APPBP2: variants seen among roughly 807,000 people sequenced by gnomAD.
APPBP2 encodes the protein amyloid protein-binding protein 2.
A neutral mutation model predicts 76.0 loss-of-function variants in APPBP2; 15 were observed. That is an observed-to-expected ratio of 0.20 (90% CI 0.13 to 0.30). The LOEUF (loss-of-function observed/expected upper bound fraction) is 0.30. APPBP2 is among the 10% of genes least tolerant of loss of function. The pLI, the probability that APPBP2 is intolerant of heterozygous loss-of-function variation, is 1.00. For synonymous variants in APPBP2, 222 were observed against 242.2 expected (o/e 0.92, Z 0.77); for missense variants, 401 against 687.2 (o/e 0.58, Z 4.66).
chr17:60,484,236 TTAGAG>T (rs1316178609), intron 3 of APPBP2, among the ~76,000 whole-genome samples: 2 of 152,186 alleles, frequency 1.3e-5, no homozygotes, highest in South Asian at 2.1e-4. Flanking sequence ...CATATGAACT[TTAGAG>T]TAGTTTTTTC....
intron 1 of APPBP2, among the ~76,000 whole-genome samples, chr17:60,517,378 T>C (rs1460632996): frequency 6.6e-6 from 1 of 152,242 alleles, no homozygotes; most frequent in Non-Finnish European, 1.5e-5. Context: ...GGCTTGACTC[T>C]TCACTTGCTT....
intron 1 of APPBP2, among the ~76,000 whole-genome samples, chr17:60,503,511 G>C (rs1057065803): frequency 2.1e-5 from 3 of 144,678 alleles, no homozygotes; most frequent in Non-Finnish European, 4.4e-5. Flanking sequence ...TCAGCCTCTG[G>C]AGTAGCTGGG....
In APPBP2 at chr17:60,504,208, T is replaced by C. The variant is rs552535249; in HGVS notation, c.139-3721A>G. On this transcript the variant is annotated intron_variant, in intron 1 of 12. Transcript: ENST00000083182. ...AAGGGCTATATCAACCACTTTCAGC[T>C]GTTCCTACCTTAAACAAAAGGGAAA... Among the ~76,000 whole-genome samples the C allele has an allele frequency of 2.3e-4, 35 of 152,306 alleles. No homozygotes were observed. The South Asian group carries it at 7.2e-3, about 32-fold the overall frequency.
chr17:60,475,010 A>T (rs996105907), intron 4 of APPBP2, among the ~76,000 whole-genome samples: 3 of 152,148 alleles, frequency 2.0e-5, no homozygotes, highest in South Asian at 4.2e-4. Context: ...CAGGCAGATC[A>T]CGAGGTCAGG....
chr17:60,494,702 T>G, intron 2 of APPBP2, 85 bp from the exon 3 acceptor site: 1 of 1,179,720 alleles, frequency 8.5e-7, no homozygotes, highest in Non-Finnish European at 1.2e-6. Context: ...TTTTAAATAA[T>G]AGCACCATTA....
In APPBP2 at chr17:60,443,856, CTTCT is replaced by C. The variant is rs2090322948; in HGVS notation, c.*3721_*3724del. 6.6e-6 allele frequency: 1 copy of C among 152,570 alleles called. No homozygotes were observed. Among genetic ancestry groups the C allele is most frequent in the African/African-American group, 2.4e-5 (1 of 41,432 alleles). 9.5% of individuals were successfully genotyped at this position (152,570 alleles called of 1,614,324 possible). A position where few individuals can be genotyped will look rare whatever the true frequency, so the allele number is the denominator to read the frequency against. On this transcript the variant is annotated 3_prime_UTR_variant, in exon 13 of 13. Transcript: ENST00000083182. ...ATGCAATAAATCCTAAAGCACACTCCTTCTGATTATCAACAGGGTAAAACCAGTT... is the reference window on the plus strand; with the variant it reads ...ATGCAATAAATCCTAAAGCACACTCCGATTATCAACAGGGTAAAACCAGTT...
At chr17:60,452,401 GTTAAC>G (rs2090401663) in intron 11 of APPBP2, among the ~76,000 whole-genome samples, 1 of 152,192 alleles carries the variant, frequency 6.6e-6, no homozygotes, top group East Asian at 1.9e-4. Flanking sequence ...ACTTCCTTTG[GTTAAC>G]ACAGTTAACA....
Position 60,444,819 on chromosome 17 carries a change from G to A in APPBP2, c.*2762C>T, listed in dbSNP as rs954718352. ...GGAGTAGCACCGAACTTTAGGAAAA[G>A]ACTGGGTAGAAGAGTCAGAGAAGGA... On this transcript the variant is annotated 3_prime_UTR_variant, in exon 13 of 13. Coordinates refer to ENST00000083182, the MANE Select transcript of APPBP2 (RefSeq NM_006380.5). 6.6e-6 allele frequency: 1 copy of A among 152,546 alleles called. No homozygotes were observed. The highest frequency in any genetic ancestry group is 6.6e-5 in the Admixed American group (1 of 15,260). The allele number at this position is 152,546 out of a possible 1,614,324, so 9.4% of individuals were successfully genotyped here.
chr17:60,498,088 C>A (rs2090790996), intron 2 of APPBP2, among the ~76,000 whole-genome samples: 1 of 151,610 alleles, frequency 6.6e-6, no homozygotes, highest in Admixed American at 6.6e-5. Context: ...GATCTTGCCA[C>A]TGCACTCCAG....
intron 3 of APPBP2, among the ~76,000 whole-genome samples, chr17:60,483,416 T>C (rs965386733): frequency 7.9e-5 from 12 of 152,080 alleles, no homozygotes; most frequent in Admixed American, 5.2e-4. Flanking sequence ...TTTTTTGAGA[T>C]GGAGACTTGC....
Position 60,443,450 on chromosome 17 carries a change from C to T in APPBP2, c.*4131G>A, listed in dbSNP as rs987867527. On this transcript the variant is annotated 3_prime_UTR_variant, in exon 13 of 13. Transcript: ENST00000083182. ...TTGTTTTTAACTGTTCCATTAAGAA[C>T]TTTTTATTTTGAGCCTATTAAACTA... is the stretch of plus-strand genomic sequence containing the variant. 1.3e-5 allele frequency: 2 copies of T among 152,578 alleles called. No homozygotes were observed. Among genetic ancestry groups the T allele is most frequent in the Admixed American group, 1.3e-4 (2 of 15,276 alleles). 9.5% of individuals were successfully genotyped at this position (152,578 alleles called of 1,614,324 possible).
At chr17:60,494,671 A>G in intron 2 of APPBP2, 54 bp from the exon 3 acceptor site, 2 of 1,446,790 alleles carry the variant, frequency 1.4e-6, no homozygotes, top group Non-Finnish European at 1.8e-6. Flanking sequence ...TTCTCCTTTT[A>G]GAAAGTGCTA....
At chr17:60,487,038 T>C (rs908915143) in intron 3 of APPBP2, among the ~76,000 whole-genome samples, 1 of 152,232 alleles carries the variant, frequency 6.6e-6, no homozygotes, top group Non-Finnish European at 1.5e-5. Context: ...CTCTTCTGGC[T>C]TGTAGAGTTT....
chr17:60,494,586 T>G lies in APPBP2; in HGVS notation c.259A>C (p.Met87Leu). 1 of 1,600,738 alleles carries G rather than the reference T, an allele frequency of 6.2e-7. No individual in the cohort carries two copies. ...GAAGCAACTTTAACACCATGATCCA[T>G]CAAAGCCTGAAAACAATGATGAAGC... Reference protein sequence around the residue: ...HLLHHCFQALMDHGVKVASVL... With the variant: ...HLLHHCFQALLDHGVKVASVL... Residue 87 changes from methionine to leucine, a missense_variant, in exon 3 of 13, where the codon ATG becomes CTG. By Grantham distance (15) the Met-to-Leu change is conservative. This residue lies in a region of APPBP2 where 149 missense variants were observed against 198.4 expected (regional missense o/e 0.75). Transcript: ENST00000083182.
intron 1 of APPBP2, among the ~76,000 whole-genome samples, chr17:60,515,425 A>G (rs535734140): frequency 6.6e-6 from 1 of 152,186 alleles, no homozygotes; most frequent in East Asian, 1.9e-4. Context: ...CTATTTTAAC[A>G]TTTTTAAATC....
chr17:60,451,122 T>A (rs1283148668), intron 12 of APPBP2, among the ~76,000 whole-genome samples: 2 of 152,208 alleles, frequency 1.3e-5, no homozygotes, highest in African/African-American at 4.8e-5. Flanking sequence ...ATGGCAGTGA[T>A]ACGCAACATC....
At chr17:60,464,219 C>A (rs2090495086) in intron 5 of APPBP2, 109 bp from the exon 6 acceptor site, 2 of 717,564 alleles carry the variant, frequency 2.8e-6, no homozygotes, top group East Asian at 2.8e-5. Context: ...AGAACACACA[C>A]AAAATATTTA....
intron 1 of APPBP2, among the ~76,000 whole-genome samples, chr17:60,520,250 T>C (rs1416926168): frequency 6.6e-6 from 1 of 152,158 alleles, no homozygotes; most frequent in Non-Finnish European, 1.5e-5. Flanking sequence ...TGTTTTTTCT[T>C]TTCAGCATAA....
intron 1 of APPBP2, among the ~76,000 whole-genome samples, chr17:60,525,539 G>A (rs1218022661): frequency 2.0e-5 from 3 of 152,180 alleles, no homozygotes; most frequent in Non-Finnish European, 4.4e-5. Context: ...CTACCCAAGA[G>A]GGCCACTGTG....
Sources: allele counts gnomAD v4.1 joint callset (sites outside exome capture counted in the v4.1 genomes callset), GRCh38; gene constraint gnomAD v4.1.1; regional missense constraint gnomAD v4.1.1; transcripts MANE v1.5; gene names NCBI Gene and HGNC (gene_info 2026-07-23, HGNC 2026-07-21).